Variants in EXT2 observed in about 807,000 individuals in gnomAD.
The protein encoded by EXT2 is exostosin glycosyltransferase 2.
EXT2 carries 53 observed loss-of-function variants against 81.6 expected under a neutral mutation model. That is an observed-to-expected ratio of 0.65 (90% CI 0.52 to 0.82). The LOEUF is 0.82. EXT2 is among the 40% of genes least tolerant of loss of function. EXT2 has a pLI of 0.00. For synonymous variants in EXT2, 320 were observed against 340.0 expected (o/e 0.94, Z 0.65); for missense variants, 774 against 910.2 (o/e 0.85, Z 1.93).
chr11:44,124,444 T>TACACACACAC (rs57261356), intron 4 of EXT2, among the ~76,000 whole-genome samples: 2,905 of 144,990 alleles, frequency 0.02, 89 homozygotes, highest in African/African-American at 0.062. Context: ...GTTTCTCTCC[T>TACACACACAC]ACACACACAC....
chr11:44,186,097 C>G (rs1248646387), intron 8 of EXT2, among the ~76,000 whole-genome samples: 1 of 152,160 alleles, frequency 6.6e-6, no homozygotes, highest in South Asian at 2.1e-4. Flanking sequence ...TATGAAGTAG[C>G]AGGTCCAAGG....
At chr11:44,133,747 G>A (rs146389085) in intron 7 of EXT2, among the ~76,000 whole-genome samples, 3 of 152,266 alleles carry the variant, frequency 2.0e-5, no homozygotes, top group African/African-American at 7.2e-5. Flanking sequence ...TAGAGCTAAA[G>A]TTTCTGATTT....
chr11:44,171,809 T>C, intron 8 of EXT2, 67 bp downstream of exon 8: 5 of 1,599,312 alleles, frequency 3.1e-6, no homozygotes, highest in Non-Finnish European at 4.3e-6. Context: ...GAAGGAAAAA[T>C]GTACTACAAT....
Position 44,129,370 on chromosome 11 carries a change from G to C in EXT2, c.1080-675G>C, listed in dbSNP as rs186044128. 1.3e-3 allele frequency among the ~76,000 whole-genome samples: 201 copies of C among 152,298 alleles called. 3 individuals are homozygous for C. Among genetic ancestry groups the C allele is most frequent in the Non-Finnish European group, 6.6e-4 (45 of 68,038 alleles). On this transcript the variant is annotated intron_variant, in intron 6 of 13. Coordinates refer to ENST00000533608, the MANE Select transcript of EXT2 (RefSeq NM_207122.2). ...TATACTCTTTGCTGTGACTCTGTCTGTCCCATTTCTTCTTTCCTGGTGTTA... is the reference window on the plus strand; with the variant it reads ...TATACTCTTTGCTGTGACTCTGTCTCTCCCATTTCTTCTTTCCTGGTGTTA...
At chr11:44,168,142 A>T (rs952346690) in intron 7 of EXT2, among the ~76,000 whole-genome samples, 1 of 152,114 alleles carries the variant, frequency 6.6e-6, no homozygotes, top group African/African-American at 2.4e-5. Flanking sequence ...TATGAAATCT[A>T]CTTTTGACAA....
At chr11:44,225,388 G>T (rs535501797) in intron 10 of EXT2, among the ~76,000 whole-genome samples, 1 of 152,262 alleles carries the variant, frequency 6.6e-6, no homozygotes, top group Admixed American at 6.5e-5. Context: ...AATGGTGTGA[G>T]CATATGGCTT....
chr11:44,183,817 A>C (rs1241392860), intron 8 of EXT2, among the ~76,000 whole-genome samples: 1 of 152,148 alleles, frequency 6.6e-6, no homozygotes, highest in Admixed American at 6.5e-5. Context: ...TCTTCATAGC[A>C]TCTTTTTTTC....
chr11:44,225,437 A>G (rs527549343), intron 10 of EXT2, among the ~76,000 whole-genome samples: 1 of 152,262 alleles, frequency 6.6e-6, no homozygotes, highest in East Asian at 1.9e-4. Flanking sequence ...AAGAGCCTGT[A>G]GCTTTTAGAA....
At chr11:44,179,772 T>A (rs1425044675) in intron 8 of EXT2, among the ~76,000 whole-genome samples, 1 of 152,174 alleles carries the variant, frequency 6.6e-6, no homozygotes, top group South Asian at 2.1e-4. Flanking sequence ...TTGAGTATAA[T>A]TTTCTAATAA....
chr11:44,102,193 A>G (rs1477360901), intron 1 of EXT2, among the ~76,000 whole-genome samples: 2 of 152,222 alleles, frequency 1.3e-5, no homozygotes, highest in Non-Finnish European at 2.9e-5. Flanking sequence ...ATAGCTGTAC[A>G]GCAAAGAAAG....
At chr11:44,183,945 T>C (rs548915479) in intron 8 of EXT2, among the ~76,000 whole-genome samples, 1 of 152,372 alleles carries the variant, frequency 6.6e-6, no homozygotes, top group South Asian at 2.1e-4. Flanking sequence ...TACTGTCCAC[T>C]GCTCTTGTTG....
chr11:44,185,530 T>C (rs1360622066), intron 8 of EXT2, among the ~76,000 whole-genome samples: 1 of 152,222 alleles, frequency 6.6e-6, no homozygotes, highest in East Asian at 1.9e-4. Context: ...ATGCCTTTTT[T>C]TCAGGAAGAA....
intron 7 of EXT2, among the ~76,000 whole-genome samples, chr11:44,149,886 G>A (rs893664658): frequency 2.0e-5 from 3 of 152,134 alleles, no homozygotes; most frequent in Non-Finnish European, 4.4e-5. Context: ...TCTAACCTTT[G>A]AGTGACTCAT....
At chr11:44,176,295 T>C (rs1297153733) in intron 8 of EXT2, among the ~76,000 whole-genome samples, 1 of 152,216 alleles carries the variant, frequency 6.6e-6, no homozygotes, top group Non-Finnish European at 1.5e-5. Flanking sequence ...AGTTCTTTTT[T>C]ATAAGAATAT....
intron 4 of EXT2, among the ~76,000 whole-genome samples, chr11:44,117,650 A>G (rs1346545791): frequency 6.6e-6 from 1 of 152,210 alleles, no homozygotes; most frequent in African/African-American, 2.4e-5. Context: ...TGGATTGTCA[A>G]TTCGAATCTG....
chr11:44,218,965 T>C (rs1955751915), intron 10 of EXT2, among the ~76,000 whole-genome samples: 1 of 151,624 alleles, frequency 6.6e-6, no homozygotes, highest in African/African-American at 2.4e-5. Flanking sequence ...GCCCAGCTGA[T>C]TTTTTTGTAT....
At chr11:44,192,171 A>G (rs1955400250) in intron 8 of EXT2, among the ~76,000 whole-genome samples, 2 of 152,056 alleles carry the variant, frequency 1.3e-5, no homozygotes, top group Admixed American at 1.3e-4. Context: ...CTTGTCAGCA[A>G]ATCTTTGCAC....
rs2067788 is a variant in EXT2, at chr11:44,185,960, G to A, written c.1306-11869G>A. Reference sequence around the variant, plus strand: ...AAATTTGTTTTACCTCTCATAAGATGTAGTAGTATAAGCCATCATGAACAT... The same window carrying A: ...AAATTTGTTTTACCTCTCATAAGATATAGTAGTATAAGCCATCATGAACAT... On this transcript the variant is annotated intron_variant, in intron 8 of 13. Transcript: ENST00000533608. 1.0e-2 allele frequency among the ~76,000 whole-genome samples: 1,521 copies of A among 152,332 alleles called. 15 individuals are homozygous for A. Among genetic ancestry groups the A allele is most frequent in the Middle Eastern group, 0.017 (5 of 294 alleles).
intron 7 of EXT2, among the ~76,000 whole-genome samples, chr11:44,152,053 T>G (rs1954798864): frequency 6.6e-6 from 1 of 152,238 alleles, no homozygotes; most frequent in African/African-American, 2.4e-5. Flanking sequence ...TGCCATTTTT[T>G]AATCTGATTG....
Sources: allele counts gnomAD v4.1 joint callset (sites outside exome capture counted in the v4.1 genomes callset), GRCh38; gene constraint gnomAD v4.1.1; transcripts MANE v1.5; gene names NCBI Gene and HGNC (gene_info 2026-07-23, HGNC 2026-07-21).